Variants in PGF observed in about 807,000 individuals in gnomAD.
PGF encodes placenta growth factor.
In PGF, 11 loss-of-function variants were observed where a neutral mutation model predicts 25.3. The ratio of observed to expected loss-of-function variants is 0.43; its 90% CI spans 0.27 to 0.72. The LOEUF (loss-of-function observed/expected upper bound fraction) is 0.72, where lower values mean the gene tolerates loss of function less well. Ranked by LOEUF, PGF falls within the 30% of genes least tolerant of loss-of-function variation. The pLI is 0.18. For missense variants in PGF, 230 were observed against 234.9 expected, an observed-to-expected ratio of 0.98 and a Z score of 0.14; for synonymous variants, 105 against 97.9, an observed-to-expected ratio of 1.07 and a Z score of -0.43.
At position 74,950,497 on chromosome 14, in the gene PGF, C is replaced by T. The variant is rs567484896; in HGVS notation, c.119-944G>A. ...CCTGACCTCACGATGTCCTGGCGATCGTGAATGGGATCTTTTGGGGGCTGA... is the reference window on the plus strand; with the variant it reads ...CCTGACCTCACGATGTCCTGGCGATTGTGAATGGGATCTTTTGGGGGCTGA... On this transcript the variant is annotated intron_variant, in intron 2 of 6. Transcript: ENST00000555567. This position sits in a 1 kb window ranked among gnomAD's most constrained non-coding sequence, Gnocchi z 4.1. Among the ~76,000 whole-genome samples the T allele has an allele frequency of 1.1e-4, 17 of 152,324 alleles. No homozygotes were observed. The highest frequency in any genetic ancestry group is 6.5e-4 in the Admixed American group (10 of 15,310).
chr14:74,945,814 C>A (rs938933570), intron 6 of PGF: 19 of 184,486 alleles, frequency 1.0e-4, no homozygotes, highest in African/African-American at 4.2e-4. Flanking sequence ...CAGCTGATGA[C>A]AGACTTTTAA....
At chr14:74,954,084 C>A (rs1888931041) in intron 1 of PGF, 138 bp from the exon 2 acceptor site, 2 of 768,124 alleles carry the variant, frequency 2.6e-6, no homozygotes, top group South Asian at 1.6e-5. Flanking sequence ...TGTCTCAGAG[C>A]AGCCTGAGTA....
chr14:74,942,526 A>T lies in PGF; in HGVS notation c.*180T>A. 1.5e-6 allele frequency: 1 copy of T among 649,538 alleles called. No individual in the cohort carries two copies. Among genetic ancestry groups the T allele is most frequent in the South Asian group, 1.7e-5 (1 of 59,272 alleles). The allele number at this position is 649,538 out of a possible 1,614,324, so 40.2% of individuals were successfully genotyped here. The stretch of plus-strand genomic sequence containing the variant: ...TTCTCTCTTTCTCTCACGTTGTTGA[A>T]GGCACTGAATTCCTGAGGGTCCTGT... On this transcript the variant is annotated 3_prime_UTR_variant, in exon 7 of 7. Coordinates refer to ENST00000555567, the MANE Select transcript of PGF (RefSeq NM_002632.6).
Position 74,942,488 on chromosome 14 carries a change from G to A in PGF, c.*218C>T. 1 of 581,300 alleles carries A rather than the reference G, an allele frequency of 1.7e-6. No homozygotes were observed. Among genetic ancestry groups the A allele is most frequent in the African/African-American group, 2.0e-5 (1 of 51,236 alleles). 36.0% of individuals were successfully genotyped at this position (581,300 alleles called of 1,614,324 possible). A position where few individuals can be genotyped will look rare whatever the true frequency, so the allele number is the denominator to read the frequency against. On this transcript the variant is annotated 3_prime_UTR_variant, in exon 7 of 7. Coordinates refer to ENST00000555567, the MANE Select transcript of PGF (RefSeq NM_002632.6). ...TCTTTCAAAGCGGAAGCTCCCAGGG[G>A]TCTGTGGCTGGCTTCTCTCTTTCTC... is the stretch of plus-strand genomic sequence containing the variant.
In PGF at chr14:74,953,003, C is replaced by A. The variant is rs1259901094; in HGVS notation, c.118+901G>T. On this transcript the variant is annotated intron_variant, in intron 2 of 6. Coordinates refer to ENST00000555567, the MANE Select transcript of PGF (RefSeq NM_002632.6). This position sits in a 1 kb window ranked among gnomAD's most constrained non-coding sequence, Gnocchi z 5.4. Reference sequence around the variant, plus strand: ...AAATCCCAAGGAGCATAATGTTGTGCTGGTTCCAGAGGCACAGCAAGGGAG... The same window carrying A: ...AAATCCCAAGGAGCATAATGTTGTGATGGTTCCAGAGGCACAGCAAGGGAG... Among the ~76,000 whole-genome samples, 5 of 152,188 alleles carry A rather than the reference C, an allele frequency of 3.3e-5. No individual in the cohort carries two copies. Among genetic ancestry groups the A allele is most frequent in the Admixed American group, 3.3e-4 (5 of 15,282 alleles).
chr14:74,954,131 C>T (rs1888931765), intron 1 of PGF, 185 bp from the exon 2 acceptor site: 1 of 607,816 alleles, frequency 1.6e-6, no homozygotes, highest in African/African-American at 1.8e-5. Context: ...TAGGTTAGGT[C>T]CCACCCCTCT....
rs1288618713 is a variant in PGF, at chr14:74,953,936, A to C, written c.86T>G (p.Leu29Trp). Reference protein sequence around the residue: ...LPAVPPQQWALSAGNGSSEVE... With the variant: ...LPAVPPQQWAWSAGNGSSEVE... ...CTCTGACGAGCCGTTCCCAGCAGAC[A>C]AGGCCCACTGCTATGGACAGAAAAG... The change falls in exon 2 of 7, where the codon TTG (leucine) becomes TGG (tryptophan). Residue 29 changes from leucine (L) to tryptophan (W), a missense_variant. By Grantham distance (61) the Leu-to-Trp change is moderately conservative. Transcript: ENST00000555567. The surrounding 1 kb of genome is among the most constrained non-coding windows in gnomAD (Gnocchi z 5.4). 2 of 1,613,858 alleles carry C rather than the reference A, an allele frequency of 1.2e-6. No homozygotes were observed. Among genetic ancestry groups the C allele is most frequent in the African/African-American group, 2.7e-5 (2 of 74,910 alleles).
At chr14:74,948,457 C>A in intron 4 of PGF, 50 bp downstream of exon 4, 1 of 1,180,912 alleles carries the variant, frequency 8.5e-7, no homozygotes, top group Non-Finnish European at 1.2e-6. Context: ...CTGAGGCTGC[C>A]AAGAGGACGG....
Position 74,950,197 on chromosome 14 carries a change from C to T in PGF, c.119-644G>A, listed in dbSNP as rs1037646043. ...TTCTTCCCCCTCCTCTCATTTCTAT[C>T]CAAATAAAGTCCACCCGCCATTTTC... is the stretch of plus-strand genomic sequence containing the variant. On this transcript the variant is annotated intron_variant, in intron 2 of 6. Transcript: ENST00000555567. The surrounding 1 kb of genome is among the most constrained non-coding windows in gnomAD (Gnocchi z 4.1). Among the ~76,000 whole-genome samples, 1 of 152,292 alleles carries T rather than the reference C, an allele frequency of 6.6e-6. No individual in the cohort carries two copies. Among genetic ancestry groups the T allele is most frequent in the South Asian group, 2.1e-4 (1 of 4,824 alleles).
chr14:74,946,195 G>A lies in PGF; in HGVS notation c.485+18C>T. The A allele has an allele frequency of 1.2e-6, 2 of 1,612,336 alleles. No homozygotes were observed. The highest frequency in any genetic ancestry group is 1.7e-6 in the Non-Finnish European group (2 of 1,178,700). On this transcript the variant is annotated intron_variant, in intron 6 of 6. Transcript: ENST00000555567. The stretch of plus-strand genomic sequence containing the variant: ...CGGGCCCAGCCTCCTCGCCATCCCT[G>A]GGACCCCGCACACTCACAGGTGGCA...
rs906900178 is a variant in PGF, at chr14:74,955,310, T to C, written c.-68A>G. 4.9e-6 allele frequency: 5 copies of C among 1,021,568 alleles called. No individual in the cohort carries two copies. The African/African-American group carries it at 5.0e-5, about 10-fold the overall frequency. 63.3% of individuals were successfully genotyped at this position (1,021,568 alleles called of 1,614,324 possible). ...CCATGCTCATCCCCCGGGGAGCCCC[T>C]GGCACAGGAGGAGAAGAGCTGAGTG... On this transcript the variant is annotated 5_prime_UTR_variant, in exon 1 of 7. Coordinates refer to ENST00000555567, the MANE Select transcript of PGF (RefSeq NM_002632.6). The surrounding 1 kb of genome is among the most constrained non-coding windows in gnomAD (Gnocchi z 4.1).
Position 74,950,582 on chromosome 14 carries a change from T to C in PGF, c.119-1029A>G, listed in dbSNP as rs913657638. On this transcript the variant is annotated intron_variant, in intron 2 of 6. Coordinates refer to ENST00000555567, the MANE Select transcript of PGF (RefSeq NM_002632.6). The surrounding 1 kb of genome is among the most constrained non-coding windows in gnomAD (Gnocchi z 4.1). The stretch of plus-strand genomic sequence containing the variant: ...GGAAGGCCTAGGACCAGGCCCCAAA[T>C]AGAGGCTCACAGGGAGAGTGGCCAG... 6.6e-6 allele frequency among the ~76,000 whole-genome samples: 1 copy of C among 152,154 alleles called. No homozygotes were observed. The highest frequency in any genetic ancestry group is 1.5e-5 in the Non-Finnish European group (1 of 68,026).
chr14:74,951,063 G>C (rs890640265), intron 2 of PGF, among the ~76,000 whole-genome samples: 2 of 152,202 alleles, frequency 1.3e-5, no homozygotes, highest in Admixed American at 6.5e-5. Context: ...AGAGGCCCTC[G>C]GGAAAGGCTG....
Position 74,949,525 on chromosome 14 carries a change from G to T in PGF, c.147C>A (p.Arg49=), listed in dbSNP as rs375371192. The change falls in exon 3 of 7, where the codon CGC becomes CGA. Residue 49 remains arginine (R), a synonymous_variant. Transcript: ENST00000555567. ...GCCTCTCCAGCGCCCGGCAGTAGCT[G>T]CGGCCCCACACTTCCTGGAAGGGTA... The part of the protein sequence containing the change: ...EVVPFQEVWG[R]SYCRALERLV... 246 of 1,591,740 alleles carry T rather than the reference G, an allele frequency of 1.5e-4. 9 individuals carry two copies. The South Asian group carries it at 2.7e-3, about 17-fold the overall frequency.
In PGF at chr14:74,948,529, G is replaced by C. The variant is rs1354141634; in HGVS notation, c.370C>G (p.Gln124Glu). The C allele has an allele frequency of 6.2e-7, 1 of 1,600,560 alleles. No individual in the cohort carries two copies. The change falls in exon 4 of 7, where the codon CAG becomes GAG. Residue 124 changes from glutamine to glutamate, a missense_variant. Gln to Glu is a conservative substitution (Grantham distance 29). Coordinates refer to ENST00000555567, the MANE Select transcript of PGF (RefSeq NM_002632.6). Reference protein sequence around the residue: ...RPSYVELTFSQHVRCECRPLR... With the variant: ...RPSYVELTFSEHVRCECRPLR... Reference sequence around the variant, plus strand: ...TACCGGCATTCGCAGCGAACGTGCTGAGAGAACGTCAGCTCCACGTAGGAG... The same window carrying C: ...TACCGGCATTCGCAGCGAACGTGCTCAGAGAACGTCAGCTCCACGTAGGAG...
At chr14:74,947,099 G>A (rs759240731) in intron 4 of PGF, 5 of 489,248 alleles carry the variant, frequency 1.0e-5, no homozygotes, top group East Asian at 6.1e-5. Context: ...CCCTCAGCTG[G>A]TTCCTCCCTT....
intron 4 of PGF, chr14:74,946,640 T>C: frequency 1.6e-6 from 1 of 641,390 alleles, no homozygotes; most frequent in South Asian, 1.8e-5. Context: ...ATCAACCTCC[T>C]GGGGACCCCT....
Position 74,955,313 on chromosome 14 carries a change from C to A in PGF, c.-71G>T. On this transcript the variant is annotated 5_prime_UTR_variant, in exon 1 of 7. Transcript: ENST00000555567. The surrounding 1 kb of genome is among the most constrained non-coding windows in gnomAD (Gnocchi z 4.1). ...TGCTCATCCCCCGGGGAGCCCCTGG[C>A]ACAGGAGGAGAAGAGCTGAGTGGGG... The A allele has an allele frequency of 1.0e-6, 1 of 982,330 alleles. No individual in the cohort carries two copies. Among genetic ancestry groups the A allele is most frequent in the Non-Finnish European group, 1.4e-6 (1 of 711,368 alleles). 60.9% of individuals were successfully genotyped at this position (982,330 alleles called of 1,614,324 possible).
At chr14:74,952,128 G>A (rs1019677690) in intron 2 of PGF, among the ~76,000 whole-genome samples, 4 of 151,568 alleles carry the variant, frequency 2.6e-5, no homozygotes, top group South Asian at 2.1e-4. Flanking sequence ...CAGCTCTCTC[G>A]CCAGCCCTGT....
Sources: allele counts gnomAD v4.1 joint callset (sites outside exome capture counted in the v4.1 genomes callset), GRCh38; gene constraint gnomAD v4.1.1; non-coding constraint Gnocchi (gnomAD v3.1); transcripts MANE v1.5; gene names NCBI Gene and HGNC (gene_info 2026-07-23, HGNC 2026-07-21).